Variants in CD47 observed in about 807,000 individuals in gnomAD.
CD47 encodes CD47 molecule, also known as leukocyte surface antigen CD47.
Under a neutral mutation model 44.6 loss-of-function variants are expected in CD47, and 11 were observed. The ratio of observed to expected loss-of-function variants is 0.25; its 90% confidence interval spans 0.16 to 0.41. The LOEUF (loss-of-function observed/expected upper bound fraction) is 0.41, where lower values mean the gene tolerates loss of function less well. Among genes scored for constraint, CD47 ranks in the 10% least tolerant of loss-of-function variants. The pLI is 1.00. For synonymous variants in CD47, 140 were observed against 136.3 expected, an observed-to-expected ratio of 1.03 and a Z score of -0.19; for missense variants, 306 against 386.7, an observed-to-expected ratio of 0.79 and a Z score of 1.75.
Position 108,058,317 on chromosome 3 carries a change from T to C in CD47, c.784+20A>G. The C allele has an allele frequency of 6.9e-7, 1 of 1,449,004 alleles. No homozygotes were observed. Among genetic ancestry groups the C allele is most frequent in the Non-Finnish European group, 9.4e-7 (1 of 1,064,818 alleles). The allele number at this position is 1,449,004 out of a possible 1,614,324, so 89.8% of individuals were successfully genotyped here. A position where few individuals can be genotyped will look rare whatever the true frequency, so the allele number is the denominator to read the frequency against. ...GTCCAAAAGTAACCCAAATTAGGTC[T>C]ACAGAAAGATGACTCTTACCCGCAA... On this transcript the variant is annotated intron_variant, in intron 6 of 10. Transcript: ENST00000361309.
intron 4 of CD47, 67 bp downstream of exon 4, chr3:108,060,678 A>AG: frequency 9.8e-7 from 1 of 1,024,106 alleles, no homozygotes; most frequent in East Asian, 2.4e-5. Flanking sequence ...AAACTAATGC[A>AG]GCCCTCCTCA....
chr3:108,071,286 TA>T, intron 2 of CD47, 104 bp from the exon 3 acceptor site: 1 of 561,886 alleles, frequency 1.8e-6, no homozygotes, highest in South Asian at 2.8e-5. Flanking sequence ...GGAAAAAAAT[TA>T]AAACTGTGGC....
chr3:108,079,010 T>A (rs1424514907), intron 2 of CD47, among the ~76,000 whole-genome samples: 1 of 152,102 alleles, frequency 6.6e-6, no homozygotes, highest in Non-Finnish European at 1.5e-5. Context: ...TCAGACCTCC[T>A]GATTCTCAAT....
rs1270103369 is a variant in CD47, at chr3:108,044,265, T to A, written c.*3023A>T. The A allele has an allele frequency of 2.0e-5, 3 of 152,546 alleles. No homozygotes were observed. The highest frequency in any genetic ancestry group is 7.2e-5 in the African/African-American group (3 of 41,448). 9.4% of individuals were successfully genotyped at this position (152,546 alleles called of 1,614,324 possible). A position where few individuals can be genotyped will look rare whatever the true frequency, so the allele number is the denominator to read the frequency against. ...TTTGGTGGTCACTTACTAAATTGACTATAGCATCCTGAAAAAAGAAATATT... is the reference window on the plus strand; with the variant it reads ...TTTGGTGGTCACTTACTAAATTGACAATAGCATCCTGAAAAAAGAAATATT... On this transcript the variant is annotated 3_prime_UTR_variant, in exon 11 of 11. Coordinates refer to ENST00000361309, the MANE Select transcript of CD47 (RefSeq NM_001777.4).
At chr3:108,065,247 G>C (rs1186281297) in intron 3 of CD47, among the ~76,000 whole-genome samples, 1 of 152,158 alleles carries the variant, frequency 6.6e-6, no homozygotes, top group African/African-American at 2.4e-5. Flanking sequence ...GAAAGAAGAG[G>C]ATGTCCAACA....
intron 4 of CD47, among the ~76,000 whole-genome samples, 185 bp downstream of exon 4, chr3:108,060,560 G>T (rs1485004776): frequency 1.3e-5 from 2 of 152,186 alleles, no homozygotes; most frequent in African/African-American, 4.8e-5. Flanking sequence ...GAGAGGGAGT[G>T]TGGCCCTGAT....
Position 108,084,063 on chromosome 3 carries a change from T to C in CD47, c.47-3719A>G, listed in dbSNP as rs184990676. Reference sequence around the variant, plus strand: ...AAGGTGTTGTTTTTGTGTGTGTCTTTAAAAATTGCTTGAATATTTGCCAAC... The same window carrying C: ...AAGGTGTTGTTTTTGTGTGTGTCTTCAAAAATTGCTTGAATATTTGCCAAC... On this transcript the variant is annotated intron_variant, in intron 1 of 10. Coordinates refer to ENST00000361309, the MANE Select transcript of CD47 (RefSeq NM_001777.4). Among the ~76,000 whole-genome samples, 399 of 152,088 alleles carry C rather than the reference T, an allele frequency of 2.6e-3. 2 individuals are homozygous for C. The highest frequency in any genetic ancestry group is 6.2e-3 in the Admixed American group (95 of 15,236).
intron 3 of CD47, among the ~76,000 whole-genome samples, chr3:108,061,343 G>A (rs2079012877): frequency 6.6e-6 from 1 of 151,394 alleles, no homozygotes; most frequent in African/African-American, 2.4e-5. Flanking sequence ...TAATACTAAT[G>A]GGAAATAATG....
Position 108,043,214 on chromosome 3 carries a change from C to A in CD47, c.*4074G>T. 1 of 152,480 alleles carries A rather than the reference C, an allele frequency of 6.6e-6. No individual in the cohort carries two copies. Among genetic ancestry groups the A allele is most frequent in the Admixed American group, 6.5e-5 (1 of 15,272 alleles). 9.4% of individuals were successfully genotyped at this position (152,480 alleles called of 1,614,324 possible). On this transcript the variant is annotated 3_prime_UTR_variant, in exon 11 of 11. Coordinates refer to ENST00000361309, the MANE Select transcript of CD47 (RefSeq NM_001777.4). ...TTTACATTGTTACCTAGAATATAAG[C>A]AACTTAAAAATACATTAATAAATTA...
intron 7 of CD47, 138 bp from the exon 8 acceptor site, chr3:108,052,108 T>C (rs2078838899): frequency 1.9e-6 from 1 of 540,338 alleles, no homozygotes; most frequent in Non-Finnish European, 3.4e-6. Context: ...GTTCCAGCTC[T>C]GACAGTCTAT....
Position 108,090,868 on chromosome 3 carries a change from C to A in CD47, c.41G>T (p.Cys14Phe). 1 of 1,492,706 alleles carries A rather than the reference C, an allele frequency of 6.7e-7. No individual in the cohort carries two copies. Among genetic ancestry groups the A allele is most frequent in the Non-Finnish European group, 8.9e-7 (1 of 1,127,100 alleles). 92.5% of individuals were successfully genotyped at this position (1,492,706 alleles called of 1,614,324 possible). A position where few individuals can be genotyped will look rare whatever the true frequency, so the allele number is the denominator to read the frequency against. ...GGGAGCGAGGAGCCACTCACCGCAG[C>A]ACGCCGAGCCCAGCAACAGCGCCGC... is the stretch of plus-strand genomic sequence containing the variant. ...LVAALLLGSA[C>F]CGSAQLLFNK... Residue 14 changes from cysteine (C) to phenylalanine (F), a missense_variant, in exon 1 of 11, where the codon TGC becomes TTC. Coordinates refer to ENST00000361309, the MANE Select transcript of CD47 (RefSeq NM_001777.4).
At chr3:108,060,408 T>C (rs926934419) in intron 4 of CD47, among the ~76,000 whole-genome samples, 1 of 151,960 alleles carries the variant, frequency 6.6e-6, no homozygotes, top group African/African-American at 2.4e-5. Context: ...GGCAAAGACA[T>C]AGAGGAAGGA....
At chr3:108,068,796 C>T (rs957140076) in intron 3 of CD47, among the ~76,000 whole-genome samples, 2 of 152,150 alleles carry the variant, frequency 1.3e-5, no homozygotes, top group Admixed American at 6.5e-5. Context: ...AAATGGTTAG[C>T]TACTATTATC....
chr3:108,065,734 C>G (rs938738094), intron 3 of CD47, among the ~76,000 whole-genome samples: 1 of 138,882 alleles, frequency 7.2e-6, no homozygotes, highest in Non-Finnish European at 1.5e-5. Flanking sequence ...ATCGCTTGAA[C>G]CTGGGAGGCG....
chr3:108,058,815 T>C lies in CD47; in HGVS notation c.692-386A>G, dbSNP rs188273827. Among the ~76,000 whole-genome samples the C allele has an allele frequency of 6.8e-4, 103 of 152,330 alleles. No homozygotes were observed. The Middle Eastern group carries it at 0.01, about 15-fold the overall frequency. Reference sequence around the variant, plus strand: ...AAATACCTGACTGTAAACATCATGCTCTCTATCTCTAGATGTCATTTTATA... The same window carrying C: ...AAATACCTGACTGTAAACATCATGCCCTCTATCTCTAGATGTCATTTTATA... On this transcript the variant is annotated intron_variant, in intron 5 of 10. Coordinates refer to ENST00000361309, the MANE Select transcript of CD47 (RefSeq NM_001777.4).
chr3:108,050,976 C>T, intron 8 of CD47: 1 of 229,762 alleles, frequency 4.4e-6, no homozygotes, highest in East Asian at 1.2e-4. Context: ...TTAAGTATCG[C>T]AAATTGAACT....
chr3:108,049,416 C>G (rs547352333), intron 10 of CD47, among the ~76,000 whole-genome samples: 9 of 152,146 alleles, frequency 5.9e-5, no homozygotes, highest in African/African-American at 2.2e-4. Flanking sequence ...GAGTCTGATT[C>G]GTGACACCCT....
rs1293328038 is a variant in CD47, at chr3:108,080,078, C to T, written c.313G>A (p.Ala105Thr). The change falls in exon 2 of 11, where the codon GCT becomes ACT. Residue 105 changes from alanine (A) to threonine (T), a missense_variant. This residue lies in a region of CD47 where 47 missense variants were observed against 36.2 expected (regional missense o/e 1.30). Transcript: ENST00000361309. The stretch of plus-strand genomic sequence containing the variant: ...GTGTAGTTTCCTGTGTGTGAGACAG[C>T]ATCACTCTTATCCATCTTCAAAGAG... ...DASLKMDKSD[A>T]VSHTGNYTCE... The T allele has an allele frequency of 6.8e-6, 11 of 1,613,064 alleles. No homozygotes were observed. Among genetic ancestry groups the T allele is most frequent in the Non-Finnish European group, 7.6e-6 (9 of 1,179,198 alleles).
chr3:108,090,329 C>G (rs2079606420), intron 1 of CD47, among the ~76,000 whole-genome samples: 1 of 152,158 alleles, frequency 6.6e-6, no homozygotes, highest in South Asian at 2.1e-4. Flanking sequence ...TCCTTTACGT[C>G]CTCTTCGCTC....
Sources: gnomAD v4.1 joint callset for allele counts (sites outside exome capture counted in the v4.1 genomes callset) on GRCh38, gnomAD v4.1.1 for gene constraint, gnomAD v4.1.1 regional missense constraint, MANE v1.5 for transcripts, NCBI Gene and HGNC (gene_info 2026-07-23, HGNC 2026-07-21) for gene names.